Variants in WNT8B observed in about 807,000 individuals in gnomAD.
WNT8B encodes protein Wnt-8b.
A neutral mutation model predicts 36.6 loss-of-function variants in WNT8B; 24 were observed. The ratio of observed to expected loss-of-function variants is 0.66; its 90% CI spans 0.48 to 0.92. The LOEUF is 0.92. WNT8B is among the 40% of genes least tolerant of loss of function. The probability of loss-of-function intolerance (pLI) is 0.00; values close to 1 mark genes in which losing one functional copy is unlikely to be tolerated. For missense variants in WNT8B, 402 were observed against 470.8 expected (o/e 0.85, Z 1.35); for synonymous variants, 199 against 189.8 (o/e 1.05, Z -0.40).
At chr10:100,465,205 G>A (rs1850896311) in intron 1 of WNT8B, among the ~76,000 whole-genome samples, 1 of 152,120 alleles carries the variant, frequency 6.6e-6, no homozygotes, top group East Asian at 1.9e-4. Flanking sequence ...AGTTTTACTA[G>A]GTAAATCAGT....
chr10:100,463,743 G>A (rs888619087), intron 1 of WNT8B, among the ~76,000 whole-genome samples: 3 of 151,902 alleles, frequency 2.0e-5, no homozygotes, highest in Non-Finnish European at 2.9e-5. Flanking sequence ...CCACTAAGCA[G>A]GCATTGGGTT....
chr10:100,482,343 T>C lies in WNT8B; in HGVS notation c.583T>C (p.Trp195Arg). The stretch of plus-strand genomic sequence containing the variant: ...TGGCAGCTGCACCACGCAGACCTGT[T>C]GGCTGCAGCTGCCCGAGTTCCGCGA... ...VSGSCTTQTC[W>R]LQLPEFREVG... Residue 195 changes from tryptophan (W) to arginine (R), a missense_variant, in exon 6 of 6, where the codon TGG becomes CGG. Transcript: ENST00000343737. This position sits in a 1 kb window ranked among gnomAD's most constrained non-coding sequence, Gnocchi z 6.6. 2 of 1,604,050 alleles carry C rather than the reference T, an allele frequency of 1.2e-6. No homozygotes were observed. The highest frequency in any genetic ancestry group is 2.2e-5 in the East Asian group (1 of 44,858).
Position 100,477,579 on chromosome 10 carries a change from G to A in WNT8B, c.69-1473G>A, listed in dbSNP as rs192128203. Among the ~76,000 whole-genome samples, 515 of 152,258 alleles carry A rather than the reference G, an allele frequency of 3.4e-3. 1 individual carries two copies. Among genetic ancestry groups the A allele is most frequent in the Non-Finnish European group, 5.8e-3 (397 of 68,020 alleles). On this transcript the variant is annotated intron_variant, in intron 1 of 5. Coordinates refer to ENST00000343737, the MANE Select transcript of WNT8B (RefSeq NM_003393.4). ...CTCCCAAAGTGCTAGGATTACAGGC[G>A]TGAGCCACCGCACCCGGCCACAGTT...
chr10:100,482,983 A>C lies in WNT8B; in HGVS notation c.*167A>C. The C allele has an allele frequency of 1.3e-6, 1 of 768,160 alleles. No homozygotes were observed. The highest frequency in any genetic ancestry group is 2.0e-6 in the Non-Finnish European group (1 of 507,854). 47.6% of individuals were successfully genotyped at this position (768,160 alleles called of 1,614,324 possible). A position where few individuals can be genotyped will look rare whatever the true frequency, so the allele number is the denominator to read the frequency against. ...TTGCCACTTTCCAGCCTGTTTCCCCAATTCCTCTGTGCTCTCCTAGAGCTC... is the reference window on the plus strand; with the variant it reads ...TTGCCACTTTCCAGCCTGTTTCCCCCATTCCTCTGTGCTCTCCTAGAGCTC... On this transcript the variant is annotated 3_prime_UTR_variant, in exon 6 of 6. Coordinates refer to ENST00000343737, the MANE Select transcript of WNT8B (RefSeq NM_003393.4). This position sits in a 1 kb window ranked among gnomAD's most constrained non-coding sequence, Gnocchi z 6.6.
chr10:100,481,270 T>C (rs947498330), intron 4 of WNT8B, 147 bp downstream of exon 4: 2 of 1,155,082 alleles, frequency 1.7e-6, no homozygotes. Flanking sequence ...TCCCAAGCCC[T>C]ACAATGACAA....
At chr10:100,479,509 A>C (rs1011552311) in intron 2 of WNT8B, among the ~76,000 whole-genome samples, 2 of 152,156 alleles carry the variant, frequency 1.3e-5, no homozygotes, top group African/African-American at 4.8e-5. Context: ...GAACTCCTTA[A>C]ATTTCATGAA....
At chr10:100,477,960 T>C (rs1011886066) in intron 1 of WNT8B, among the ~76,000 whole-genome samples, 6 of 150,324 alleles carry the variant, frequency 4.0e-5, no homozygotes, top group Admixed American at 3.3e-4. Context: ...TTTTTTTTTT[T>C]AGTAGAGACG....
At chr10:100,476,202 G>A (rs972035155) in intron 1 of WNT8B, among the ~76,000 whole-genome samples, 20 of 151,902 alleles carry the variant, frequency 1.3e-4, no homozygotes, top group South Asian at 8.3e-4. Context: ...CCAGCTACTC[G>A]GGAGGCTGAG....
intron 1 of WNT8B, among the ~76,000 whole-genome samples, chr10:100,468,351 C>G (rs1850934181): frequency 6.6e-6 from 1 of 152,134 alleles, no homozygotes; most frequent in African/African-American, 2.4e-5. Flanking sequence ...GTATTGTTTC[C>G]ATCGATGCAA....
chr10:100,470,266 T>TA (rs925682086), intron 1 of WNT8B, among the ~76,000 whole-genome samples: 3 of 152,170 alleles, frequency 2.0e-5, no homozygotes, highest in Non-Finnish European at 4.4e-5. Context: ...GCTGGGACTA[T>TA]AGTGTATGCC....
intron 1 of WNT8B, among the ~76,000 whole-genome samples, chr10:100,472,466 T>A (rs1212802612): frequency 1.3e-5 from 2 of 152,096 alleles, no homozygotes; most frequent in Non-Finnish European, 2.9e-5. Context: ...AAGTACTTCG[T>A]GTGCACAGAA....
chr10:100,471,062 C>T (rs901138578), intron 1 of WNT8B, among the ~76,000 whole-genome samples: 7 of 152,192 alleles, frequency 4.6e-5, no homozygotes, highest in African/African-American at 1.7e-4. Flanking sequence ...TTTAGATACA[C>T]AAATGCTTAC....
chr10:100,476,010 G>A (rs879751975), intron 1 of WNT8B, among the ~76,000 whole-genome samples: 1 of 152,156 alleles, frequency 6.6e-6, no homozygotes, highest in Non-Finnish European at 1.5e-5. Context: ...AGGCCTTGGT[G>A]GCTGGGCGCG....
At chr10:100,476,302 T>TAA (rs58454870) in intron 1 of WNT8B, among the ~76,000 whole-genome samples, 1 of 146,774 alleles carries the variant, frequency 6.8e-6, no homozygotes. Context: ...AGACTCCGTC[T>TAA]AAAAAAAAAA....
rs913485630 is a variant in WNT8B, at chr10:100,483,319, T to C, written c.*503T>C. The stretch of plus-strand genomic sequence containing the variant: ...CAGGAATCTTGAATGCTTTCTCTCC[T>C]CTTCTCCCTTTCCTTTCCCAGAAAA... On this transcript the variant is annotated 3_prime_UTR_variant, in exon 6 of 6. Coordinates refer to ENST00000343737, the MANE Select transcript of WNT8B (RefSeq NM_003393.4). 1 of 153,154 alleles carries C rather than the reference T, an allele frequency of 6.5e-6. No homozygotes were observed. The highest frequency in any genetic ancestry group is 1.5e-5 in the Non-Finnish European group (1 of 68,758). The allele number at this position is 153,154 out of a possible 1,614,324, so 9.5% of individuals were successfully genotyped here.
intron 1 of WNT8B, among the ~76,000 whole-genome samples, chr10:100,469,112 A>G (rs1421365565): frequency 6.8e-6 from 1 of 147,768 alleles, no homozygotes; most frequent in African/African-American, 2.7e-5. Flanking sequence ...TTGGTGAAAT[A>G]GTTATGGGAA....
At chr10:100,472,854 C>T (rs1050643139) in intron 1 of WNT8B, among the ~76,000 whole-genome samples, 3 of 152,192 alleles carry the variant, frequency 2.0e-5, no homozygotes, top group African/African-American at 7.2e-5. Flanking sequence ...TGTACATATG[C>T]TCAGTGTTCA....
intron 1 of WNT8B, among the ~76,000 whole-genome samples, chr10:100,466,407 G>A (rs1273255259): frequency 6.6e-6 from 1 of 152,036 alleles, no homozygotes; most frequent in African/African-American, 2.4e-5. Context: ...GTTTATCAAT[G>A]AAGGCCTCCA....
At chr10:100,481,193 G>T in intron 4 of WNT8B, 70 bp downstream of exon 4, 2 of 1,578,580 alleles carry the variant, frequency 1.3e-6, no homozygotes, top group South Asian at 2.3e-5. Flanking sequence ...GCCTGGTGGG[G>T]GTGAAGAAGA....
Sources: gnomAD v4.1 joint callset for allele counts (sites outside exome capture counted in the v4.1 genomes callset) on GRCh38, gnomAD v4.1.1 for gene constraint, Gnocchi (gnomAD v3.1) non-coding constraint, MANE v1.5 for transcripts, NCBI Gene and HGNC (gene_info 2026-07-23, HGNC 2026-07-21) for gene names.